Variants in BMPR1A observed in about 807,000 individuals in gnomAD.
BMPR1A encodes the protein bone morphogenetic protein receptor type 1A.
Under a neutral mutation model 66.0 loss-of-function variants are expected in BMPR1A, and 7 were observed. The ratio of observed to expected loss-of-function variants is 0.11; its 90% CI spans 0.06 to 0.20. BMPR1A has a LOEUF of 0.20. Among genes scored for constraint, BMPR1A ranks in the 10% least tolerant of loss-of-function variants. The pLI, the probability that BMPR1A is intolerant of heterozygous loss-of-function variation, is 1.00. For missense variants in BMPR1A, 408 were observed against 669.1 expected (o/e 0.61, Z 4.31); for synonymous variants, 200 against 229.7 (o/e 0.87, Z 1.17).
At chr10:86,782,227 A>G (rs1359453499) in intron 1 of BMPR1A, among the ~76,000 whole-genome samples, 2 of 152,132 alleles carry the variant, frequency 1.3e-5, no homozygotes, top group Non-Finnish European at 2.9e-5. Flanking sequence ...TGATCCATTT[A>G]TCTGTTGAGA....
At chr10:86,779,154 C>A (rs7096781) in intron 1 of BMPR1A, among the ~76,000 whole-genome samples, 42,237 of 151,832 alleles carry the variant, frequency 0.28, 7,370 homozygotes, top group East Asian at 0.72. Context: ...TTAGATGTCC[C>A]GTTTGTCTAA....
At chr10:86,838,128 T>C (rs535765784) in intron 1 of BMPR1A, among the ~76,000 whole-genome samples, 9 of 152,232 alleles carry the variant, frequency 5.9e-5, no homozygotes, top group South Asian at 2.1e-4. Flanking sequence ...GACATACCTT[T>C]AGAAATTTTT....
intron 1 of BMPR1A, among the ~76,000 whole-genome samples, chr10:86,800,635 C>T (rs1841799574): frequency 6.6e-6 from 1 of 152,174 alleles, no homozygotes; most frequent in Admixed American, 6.5e-5. Flanking sequence ...TCAAGTGATC[C>T]ACCCGCCTCG....
chr10:86,855,464 G>T lies in BMPR1A; in HGVS notation c.-153+16485G>T, dbSNP rs771009465. 6.9e-6 allele frequency: 4 copies of T among 583,624 alleles called. No individual in the cohort carries two copies. In the South Asian group the frequency reaches 1.0e-4, roughly 15 times the overall value. 36.2% of individuals were successfully genotyped at this position (583,624 alleles called of 1,614,324 possible). A position where few individuals can be genotyped will look rare whatever the true frequency, so the allele number is the denominator to read the frequency against. ...CTATTAGAGTTATTTCTGACCTACT[G>T]TATTTACTTTCAGAATTTTCTGAAG... On this transcript the variant is annotated intron_variant, in intron 2 of 12. Transcript: ENST00000372037.
chr10:86,915,870 G>C (rs575191562), intron 8 of BMPR1A, among the ~76,000 whole-genome samples: 2 of 152,136 alleles, frequency 1.3e-5, no homozygotes, highest in African/African-American at 4.8e-5. Context: ...GATCACTAAT[G>C]CTTCTGAAAA....
At chr10:86,778,824 C>T (rs559780757) in intron 1 of BMPR1A, among the ~76,000 whole-genome samples, 1 of 151,806 alleles carries the variant, frequency 6.6e-6, no homozygotes, top group Non-Finnish European at 1.5e-5. Flanking sequence ...TGAGTGAGAA[C>T]ATGTGGTGAT....
chr10:86,889,598 G>A lies in BMPR1A; in HGVS notation c.68-464G>A, dbSNP rs181520542. On this transcript the variant is annotated intron_variant, in intron 3 of 12. Transcript: ENST00000372037. The stretch of plus-strand genomic sequence containing the variant: ...TTTTACCTGGCAGGGGAGAGACCAC[G>A]GTCACGAAGGTGGTTTTCCCAGGGC... The A allele has an allele frequency of 2.8e-4, 47 of 168,982 alleles. No individual in the cohort carries two copies. In the East Asian group the frequency reaches 5.8e-3, roughly 21 times the overall value. 10.5% of individuals were successfully genotyped at this position (168,982 alleles called of 1,614,324 possible).
chr10:86,917,830 C>T (rs1439666137), intron 9 of BMPR1A, among the ~76,000 whole-genome samples: 3 of 152,208 alleles, frequency 2.0e-5, no homozygotes, highest in Non-Finnish European at 4.4e-5. Flanking sequence ...CTCTTGTTTT[C>T]CTCCCTTTAA....
intron 1 of BMPR1A, among the ~76,000 whole-genome samples, chr10:86,777,210 T>C (rs957781010): frequency 2.0e-5 from 3 of 152,152 alleles, no homozygotes; most frequent in Non-Finnish European, 4.4e-5. Context: ...CCCCAGTTTC[T>C]CTATTAAGAA....
intron 8 of BMPR1A, among the ~76,000 whole-genome samples, chr10:86,912,935 T>A (rs1179601859): frequency 6.6e-6 from 1 of 152,110 alleles, no homozygotes; most frequent in Admixed American, 6.5e-5. Flanking sequence ...TTTGGATGGA[T>A]TCTTGGTATC....
chr10:86,784,597 G>A (rs1412378736), intron 1 of BMPR1A, among the ~76,000 whole-genome samples: 3 of 152,078 alleles, frequency 2.0e-5, no homozygotes, highest in Middle Eastern at 3.2e-3. Flanking sequence ...TTCTCTAAAC[G>A]TTTGGTAGAA....
chr10:86,899,402 C>T (rs1242249153), intron 5 of BMPR1A, among the ~76,000 whole-genome samples: 1 of 152,260 alleles, frequency 6.6e-6, no homozygotes, highest in Admixed American at 6.5e-5. Flanking sequence ...TGCAGCGCCT[C>T]TGCACGCTCA....
chr10:86,849,776 C>T (rs1187464297), intron 2 of BMPR1A, among the ~76,000 whole-genome samples: 1 of 152,114 alleles, frequency 6.6e-6, no homozygotes, highest in Non-Finnish European at 1.5e-5. Flanking sequence ...TAATAGACAC[C>T]AGGGAATGTT....
chr10:86,914,358 G>C (rs542846827), intron 8 of BMPR1A, among the ~76,000 whole-genome samples: 189 of 152,114 alleles, frequency 1.2e-3, no homozygotes, highest in African/African-American at 4.4e-3. Flanking sequence ...GACTTCTTCA[G>C]TACATAAAAA....
intron 7 of BMPR1A, among the ~76,000 whole-genome samples, chr10:86,905,055 C>T (rs1267379056): frequency 6.6e-6 from 1 of 152,128 alleles, no homozygotes; most frequent in African/African-American, 2.4e-5. Context: ...GAGGTCTGTC[C>T]GTCAGCATAT....
intron 2 of BMPR1A, among the ~76,000 whole-genome samples, chr10:86,856,390 C>T (rs1021237654): frequency 2.0e-5 from 3 of 152,142 alleles, no homozygotes; most frequent in South Asian, 2.1e-4. Context: ...AGTCTCGCCC[C>T]GAGGCACCAT....
At chr10:86,850,781 A>G (rs1465072622) in intron 2 of BMPR1A, among the ~76,000 whole-genome samples, 1 of 152,156 alleles carries the variant, frequency 6.6e-6, no homozygotes, top group Admixed American at 6.5e-5. Context: ...GATTACAGGC[A>G]TGAGCCACCA....
intron 2 of BMPR1A, among the ~76,000 whole-genome samples, chr10:86,869,569 C>A (rs866274345): frequency 2.6e-5 from 4 of 151,786 alleles, no homozygotes; most frequent in Middle Eastern, 6.8e-3. Context: ...CCAGCCTGAC[C>A]AACATGGAGA....
At chr10:86,771,724 C>T (rs988337516) in intron 1 of BMPR1A, among the ~76,000 whole-genome samples, 2 of 152,132 alleles carry the variant, frequency 1.3e-5, no homozygotes, top group East Asian at 3.8e-4. Flanking sequence ...TAGAGATTTT[C>T]CACATTTAAA....
Sources: allele counts gnomAD v4.1 joint callset (sites outside exome capture counted in the v4.1 genomes callset), GRCh38; gene constraint gnomAD v4.1.1; transcripts MANE v1.5; gene names NCBI Gene and HGNC (gene_info 2026-07-23, HGNC 2026-07-21).